Variants in CNTLN observed in about 807,000 individuals in gnomAD.
CNTLN encodes centlein, centrosomal protein.
In CNTLN, 212 loss-of-function variants were observed where a neutral mutation model predicts 180.0. That is an observed-to-expected ratio of 1.18 (90% confidence interval 1.05 to 1.32). The LOEUF is 1.32. Ranked by LOEUF, CNTLN falls within the 40% of genes most tolerant of loss-of-function variation. The probability of loss-of-function intolerance (pLI) is 0.00; values close to 1 mark genes in which losing one functional copy is unlikely to be tolerated. For missense variants in CNTLN, 2,095 were observed against 1,610.9 expected, an observed-to-expected ratio of 1.30 and a Z score of -5.14; for synonymous variants, 722 against 563.1, an observed-to-expected ratio of 1.28 and a Z score of -3.99.
intron 23 of CNTLN, among the ~76,000 whole-genome samples, chr9:17,471,172 T>G (rs927974799): frequency 6.6e-6 from 1 of 152,026 alleles, no homozygotes; most frequent in Admixed American, 6.6e-5. Context: ...AAATTCATTT[T>G]TTATCCCAAA....
rs143444274 is a variant in CNTLN at position 17,329,654 on chromosome 9, C to G, written c.1342-978C>G. ...GAATTAGGAAAATTTTGCGTATCCT[C>G]TCAAAAAAGAAAAAAGCAGGCACAA... On this transcript the variant is annotated intron_variant, in intron 8 of 25. Coordinates refer to ENST00000380647, the MANE Select transcript of CNTLN (RefSeq NM_017738.4). Among the ~76,000 whole-genome samples the G allele has an allele frequency of 3.0e-3, 448 of 151,728 alleles. 4 individuals carry two copies. Among genetic ancestry groups the G allele is most frequent in the African/African-American group, 0.01 (424 of 41,404 alleles).
At chr9:17,292,135 C>G (rs908548945) in intron 6 of CNTLN, among the ~76,000 whole-genome samples, 1 of 152,204 alleles carries the variant, frequency 6.6e-6, no homozygotes, top group East Asian at 1.9e-4. Flanking sequence ...CCCCCAATCT[C>G]TTCTCGCTTG....
chr9:17,290,884 A>G (rs1829348333), intron 6 of CNTLN, among the ~76,000 whole-genome samples: 1 of 152,154 alleles, frequency 6.6e-6, no homozygotes, highest in Non-Finnish European at 1.5e-5. Flanking sequence ...TGGTGCGTGC[A>G]CCCACTGGCC....
At chr9:17,189,109 G>T (rs754324736) in intron 2 of CNTLN, among the ~76,000 whole-genome samples, 9 of 120,170 alleles carry the variant, frequency 7.5e-5, no homozygotes, top group Non-Finnish European at 1.5e-4. Flanking sequence ...TTGAGATGGA[G>T]CATCCCTCTG....
At chr9:17,361,731 A>C (rs1027446071) in intron 12 of CNTLN, among the ~76,000 whole-genome samples, 1 of 152,196 alleles carries the variant, frequency 6.6e-6, no homozygotes. Flanking sequence ...CTGTCTGGAA[A>C]GTGCTTTCAG....
At chr9:17,379,833 G>T (rs1018369790) in intron 13 of CNTLN, among the ~76,000 whole-genome samples, 1 of 152,070 alleles carries the variant, frequency 6.6e-6, no homozygotes, top group Admixed American at 6.6e-5. Flanking sequence ...AAAACTCATT[G>T]CCTTTTCCCT....
At chr9:17,353,599 T>C (rs1233560897) in intron 12 of CNTLN, among the ~76,000 whole-genome samples, 1 of 25,228 alleles carries the variant, frequency 4.0e-5, no homozygotes. Flanking sequence ...TTTGTTTTCG[T>C]TTTTTTTTTT....
At chr9:17,316,424 A>G (rs1210645499) in intron 8 of CNTLN, among the ~76,000 whole-genome samples, 2 of 152,048 alleles carry the variant, frequency 1.3e-5, no homozygotes, top group Non-Finnish European at 2.9e-5. Flanking sequence ...GGCTTAATGT[A>G]TGCTCTTTAA....
At chr9:17,287,944 CT>C (rs987960287) in intron 6 of CNTLN, among the ~76,000 whole-genome samples, 2,935 of 143,866 alleles carry the variant, frequency 0.02, 166 homozygotes, top group African/African-American at 0.077. Flanking sequence ...TTTGTTGATC[CT>C]TTCAAAAAAC....
intron 18 of CNTLN, among the ~76,000 whole-genome samples, chr9:17,450,165 C>G (rs751388034): frequency 6.6e-6 from 1 of 152,158 alleles, no homozygotes; most frequent in Non-Finnish European, 1.5e-5. Flanking sequence ...TTGGCATTTT[C>G]AGACCCATAA....
At chr9:17,465,911 G>A (rs564327713) in intron 21 of CNTLN, 70 bp from the exon 22 acceptor site, 8 of 1,239,182 alleles carry the variant, frequency 6.5e-6, no homozygotes, top group Non-Finnish European at 8.9e-6. Context: ...TTTAGTTTCT[G>A]TTGGAACAAA....
Position 17,143,296 on chromosome 9 carries a change from A to G in CNTLN, c.369A>G (p.Lys123=), listed in dbSNP as rs144902675. 1,236 of 1,612,216 alleles carry G rather than the reference A, an allele frequency of 7.7e-4. 11 individuals carry two copies. In the African/African-American group the frequency reaches 0.014, roughly 18 times the overall value. The change falls in exon 2 of 26, where the codon AAA becomes AAG. Residue 123 remains lysine (K), a synonymous_variant. Coordinates refer to ENST00000380647, the MANE Select transcript of CNTLN (RefSeq NM_017738.4). ...TCTTTTATTTCTTTAAGGCTGATAAAGAATTTGTATGGTCTTTGTGGAAAC... is the reference window on the plus strand; with the variant it reads ...TCTTTTATTTCTTTAAGGCTGATAAGGAATTTGTATGGTCTTTGTGGAAAC... ...KEELALCQAD[K]EFVWSLWKRL...
rs184689605 is a variant in CNTLN at position 17,503,103 on chromosome 9, A to G, written c.*451A>G. 1.3e-5 allele frequency: 2 copies of G among 152,520 alleles called. No individual in the cohort carries two copies. Among genetic ancestry groups the G allele is most frequent in the Admixed American group, 1.3e-4 (2 of 15,300 alleles). The allele number at this position is 152,520 out of a possible 1,614,324, so 9.4% of individuals were successfully genotyped here. On this transcript the variant is annotated 3_prime_UTR_variant, in exon 26 of 26. Transcript: ENST00000380647. ...ACAGATTTGTAGTATGAGCAAATAT[A>G]AAATGAAGCATCATAACTTGAGCAT...
chr9:17,477,053 G>C (rs1297932630), intron 23 of CNTLN, among the ~76,000 whole-genome samples: 1 of 152,050 alleles, frequency 6.6e-6, no homozygotes, highest in Non-Finnish European at 1.5e-5. Flanking sequence ...AAAAATCCTA[G>C]GACCCTTAAG....
intron 15 of CNTLN, among the ~76,000 whole-genome samples, chr9:17,396,835 C>A (rs1415380825): frequency 6.6e-6 from 1 of 152,172 alleles, no homozygotes; most frequent in Non-Finnish European, 1.5e-5. Context: ...AGCCCCTTGT[C>A]CTCAGGCAGT....
At chr9:17,320,627 C>T (rs1023194751) in intron 8 of CNTLN, among the ~76,000 whole-genome samples, 3 of 152,046 alleles carry the variant, frequency 2.0e-5, no homozygotes, top group Non-Finnish European at 4.4e-5. Flanking sequence ...CTCAGCCTCC[C>T]AGGTAGCTGG....
intron 6 of CNTLN, among the ~76,000 whole-genome samples, chr9:17,274,607 G>A (rs923156954): frequency 6.6e-6 from 1 of 151,966 alleles, no homozygotes; most frequent in African/African-American, 2.4e-5. Context: ...TAGCACCAGA[G>A]CATGGGATCG....
chr9:17,443,060 C>T (rs1351827645), intron 18 of CNTLN, among the ~76,000 whole-genome samples: 2 of 151,592 alleles, frequency 1.3e-5, no homozygotes, highest in Non-Finnish European at 2.9e-5. Flanking sequence ...CTGAACTAGC[C>T]ATCATACTTA....
the CNTLN span, among the ~76,000 whole-genome samples, chr9:17,526,113 T>A: frequency 6.6e-6 from 1 of 152,080 alleles, no homozygotes; most frequent in Non-Finnish European, 1.5e-5. Context: ...TTTTTTGTAT[T>A]TTTAGTAGAG....
Sources: allele counts gnomAD v4.1 joint callset (sites outside exome capture counted in the v4.1 genomes callset), GRCh38; gene constraint gnomAD v4.1.1; transcripts MANE v1.5; gene names NCBI Gene and HGNC (gene_info 2026-07-23, HGNC 2026-07-21).